SV2A: variants seen among roughly 807,000 people sequenced by gnomAD.
The protein encoded by SV2A is solute carrier family 22 member B1.
A neutral mutation model predicts 78.0 loss-of-function variants in SV2A; 25 were observed. The observed-to-expected ratio is 0.32, with a 90% CI of 0.23 to 0.45. The LOEUF (loss-of-function observed/expected upper bound fraction) is 0.45. Among genes scored for constraint, SV2A ranks in the 20% least tolerant of loss-of-function variants. The pLI is 1.00. For synonymous variants in SV2A, 355 were observed against 384.7 expected (o/e 0.92, Z 0.90); for missense variants, 752 against 971.5 (o/e 0.77, Z 3.00).
intron 8 of SV2A, 87 bp downstream of exon 8, chr1:149,909,105 C>A: frequency 2.3e-6 from 3 of 1,323,002 alleles, no homozygotes; most frequent in Admixed American, 1.7e-5. Flanking sequence ...CATCGCTTGT[C>A]CCCTGCATCT....
chr1:149,906,559 C>G, intron 11 of SV2A, 91 bp downstream of exon 11: 2 of 1,386,310 alleles, frequency 1.4e-6, no homozygotes, highest in East Asian at 2.3e-5. Flanking sequence ...TCTGACCAAT[C>G]TCTTCCACAG....
intron 2 of SV2A, among the ~76,000 whole-genome samples, chr1:149,912,454 C>T (rs2092481620): frequency 6.6e-6 from 1 of 152,186 alleles, no homozygotes. Flanking sequence ...TCCTTTACTC[C>T]TTCCAGTCTC....
At chr1:149,907,084 C>A (rs1281735719) in intron 10 of SV2A, 1 of 698,210 alleles carries the variant, frequency 1.4e-6, no homozygotes, top group Non-Finnish European at 1.8e-6. Flanking sequence ...TCCAAGTTCT[C>A]CCATTAATAG....
intron 11 of SV2A, 121 bp from the exon 12 acceptor site, chr1:149,906,160 C>T (rs1308710234): frequency 3.4e-6 from 4 of 1,183,050 alleles, no homozygotes; most frequent in Non-Finnish European, 4.7e-6. Flanking sequence ...CGAAGGTATC[C>T]AACCAAGGTA....
rs2092451449 is a variant in SV2A at position 149,908,179 on chromosome 1, A to C, written c.1407T>G (p.Pro469=). ...CTGCCTGGAGATGGCGGATCATGTC[A>C]GGAAACCAGACGGTCAGGCCATAGT... ...FSYYGLTVWF[P]DMIRHLQAVD... is the part of the protein sequence containing the mutation. Residue 469 remains proline (P), a synonymous_variant, in exon 9 of 13, where the codon CCT becomes CCG. Coordinates refer to ENST00000369146, the MANE Select transcript of SV2A (RefSeq NM_014849.5). The C allele has an allele frequency of 1.2e-6, 2 of 1,614,054 alleles. No homozygotes were observed. Among genetic ancestry groups the C allele is most frequent in the Admixed American group, 3.3e-5 (2 of 60,002 alleles).
chr1:149,911,346 C>T (rs1427480466), intron 3 of SV2A, among the ~76,000 whole-genome samples: 2 of 152,200 alleles, frequency 1.3e-5, no homozygotes, highest in Admixed American at 1.3e-4. Flanking sequence ...GGAGTTGAAG[C>T]AGAGTAAGCG....
At chr1:149,911,062 T>C in intron 3 of SV2A, 85 bp from the exon 4 acceptor site, 1 of 1,506,542 alleles carries the variant, frequency 6.6e-7, no homozygotes, top group Non-Finnish European at 8.9e-7. Flanking sequence ...CGAGCCCCTT[T>C]TGTCTTCCAG....
chr1:149,905,317 G>T, intron 12 of SV2A, 120 bp from the exon 13 acceptor site: 1 of 876,122 alleles, frequency 1.1e-6, no homozygotes, highest in South Asian at 1.8e-5. Flanking sequence ...GGAGAGAGAA[G>T]GTTGGAGAGA....
Position 149,908,194 on chromosome 1 carries a change from C to A in SV2A, c.1392G>T (p.Leu464=). The A allele has an allele frequency of 6.2e-7, 1 of 1,613,928 alleles. No homozygotes were observed. The change falls in exon 9 of 13, where the codon CTG becomes CTT. Residue 464 remains leucine, a synonymous_variant. Coordinates refer to ENST00000369146, the MANE Select transcript of SV2A (RefSeq NM_014849.5). ...GGATCATGTCAGGAAACCAGACGGT[C>A]AGGCCATAGTAGCTGAAGAGTCAAG... ...WFTMSFSYYG[L]TVWFPDMIRH...
chr1:149,911,874 G>A lies in SV2A; in HGVS notation c.729C>T (p.Ser243=), dbSNP rs782177659. 1.1e-5 allele frequency: 18 copies of A among 1,614,072 alleles called. No homozygotes were observed. The highest frequency in any genetic ancestry group is 1.6e-4 in the Middle Eastern group (1 of 6,084). ...CAAAAGATGAGAAGAAGGCGAAGAC[G>A]CTGTTGACTGAGAGCGAGATGAGCA... ...QCLLISLSVN[S]VFAFFSSFVQ... is the part of the protein sequence containing the mutation. Residue 243 remains serine (S), a synonymous_variant, in exon 3 of 13, where the codon AGC becomes AGT. Coordinates refer to ENST00000369146, the MANE Select transcript of SV2A (RefSeq NM_014849.5).
chr1:149,913,265 G>T lies in SV2A; in HGVS notation c.576C>A (p.Ser192Arg). 6.2e-7 allele frequency: 1 copy of T among 1,614,048 alleles called. No homozygotes were observed. Residue 192 changes from serine to arginine, a missense_variant, in exon 2 of 13, where the codon AGC (serine) becomes AGA (arginine). This residue lies in a region of SV2A where 291 missense variants were observed against 359.5 expected (regional missense o/e 0.81). Transcript: ENST00000369146. ...EVFVVGFVLPSAEKDMCLSDS... is the reference protein window; with the variant it reads ...EVFVVGFVLPRAEKDMCLSDS... The stretch of plus-strand genomic sequence containing the variant: ...CGGACAGGCACATGTCTTTCTCAGC[G>T]CTGGGCAGCACGAAGCCCACCACAA...
At chr1:149,907,958 T>G in intron 9 of SV2A, 84 bp downstream of exon 9, 3 of 1,572,178 alleles carry the variant, frequency 1.9e-6, no homozygotes, top group Admixed American at 1.8e-5. Context: ...GCCCCCCAAA[T>G]GTCTTGTCTT....
rs2092489559 is a variant in SV2A, at chr1:149,913,479, C to G, written c.362G>C (p.Gly121Ala). Reference sequence around the variant, plus strand: ...CCCATCACTCAAGCCCCCCCTTACTCCAGCCAGGGGCGCCCCATCTGCCAT... The same window carrying G: ...CCCATCACTCAAGCCCCCCCTTACTGCAGCCAGGGGCGCCCCATCTGCCAT... ...ERMADGAPLA[G>A]VRGGLSDGEG... is the part of the protein sequence containing the mutation. Residue 121 changes from glycine to alanine, a missense_variant, in exon 2 of 13, where the codon GGA (glycine) becomes GCA (alanine). By Grantham distance (60) the Gly-to-Ala change is moderately conservative. Around this residue, in one of 7 missense-constraint regions of SV2A, gnomAD observed 291 missense variants for 359.5 expected, o/e 0.81. Coordinates refer to ENST00000369146, the MANE Select transcript of SV2A (RefSeq NM_014849.5). 6.2e-7 allele frequency: 1 copy of G among 1,610,090 alleles called. No homozygotes were observed. The highest frequency in any genetic ancestry group is 8.5e-7 in the Non-Finnish European group (1 of 1,178,422).
rs73006309 is a variant in SV2A, at chr1:149,906,777, G to T, written c.1758C>A (p.Asp586Glu). ...FLHNKEGCPLDVTGTGEGAYM... is the reference protein window; with the variant it reads ...FLHNKEGCPLEVTGTGEGAYM... ...AGGCACCTTCGCCCGTCCCTGTCACGTCTAGCGGGCAGCCCTCCTTGTTGT... is the reference window on the plus strand; with the variant it reads ...AGGCACCTTCGCCCGTCCCTGTCACTTCTAGCGGGCAGCCCTCCTTGTTGT... Residue 586 changes from aspartate (D) to glutamate (E), a missense_variant, in exon 11 of 13, where the codon GAC becomes GAA. Asp to Glu is a conservative substitution (Grantham distance 45). Coordinates refer to ENST00000369146, the MANE Select transcript of SV2A (RefSeq NM_014849.5). 1 of 1,614,198 alleles carries T rather than the reference G, an allele frequency of 6.2e-7. No homozygotes were observed. The highest frequency in any genetic ancestry group is 1.1e-5 in the South Asian group (1 of 91,086).
intron 2 of SV2A, 101 bp downstream of exon 2, chr1:149,913,118 C>T: frequency 1.4e-6 from 2 of 1,451,920 alleles, no homozygotes; most frequent in Non-Finnish European, 1.9e-6. Flanking sequence ...ATCTTGGGTG[C>T]AGGGTCCTAG....
chr1:149,909,955 C>T, intron 5 of SV2A, 65 bp from the exon 6 acceptor site: 1 of 1,482,400 alleles, frequency 6.7e-7, no homozygotes, highest in East Asian at 2.3e-5. Flanking sequence ...TTATAGACCC[C>T]CTCCCTCCCA....
intron 1 of SV2A, among the ~76,000 whole-genome samples, chr1:149,916,821 A>G (rs587659233): frequency 1.3e-5 from 2 of 152,280 alleles, no homozygotes; most frequent in Admixed American, 6.5e-5. Context: ...AGGACCATCA[A>G]GACTGCGCCT....
Position 149,907,701 on chromosome 1 carries a change from A to G in SV2A, c.1677T>C (p.Thr559=). 1.2e-6 allele frequency: 2 copies of G among 1,612,668 alleles called. No individual in the cohort carries two copies. Among genetic ancestry groups the G allele is most frequent in the East Asian group, 2.2e-5 (1 of 44,846 alleles). The change falls in exon 10 of 13, where the codon ACT becomes ACC. Residue 559 remains threonine (T), a splice_region_variant and synonymous_variant. Transcript: ENST00000369146. ...CTFINTVFYN[T]DLFEYKFVNS... The stretch of plus-strand genomic sequence containing the variant: ...CACCCACCAGCCACCCCGCCTTACC[A>G]GTGTTATAGAACACAGTGTTGATGA...
intron 8 of SV2A, among the ~76,000 whole-genome samples, 199 bp downstream of exon 8, chr1:149,908,993 A>C (rs1553763233): frequency 6.6e-6 from 1 of 152,158 alleles, no homozygotes; most frequent in Non-Finnish European, 1.5e-5. Flanking sequence ...CACAGAATAG[A>C]AACTGAATCC....
Sources: allele counts gnomAD v4.1 joint callset (sites outside exome capture counted in the v4.1 genomes callset), GRCh38; gene constraint gnomAD v4.1.1; regional missense constraint gnomAD v4.1.1; transcripts MANE v1.5; gene names NCBI Gene and HGNC (gene_info 2026-07-23, HGNC 2026-07-21).